GSDMD: variants seen among roughly 807,000 people sequenced by gnomAD.
The protein encoded by GSDMD is gasdermin-D.
A neutral mutation model predicts 46.7 loss-of-function variants in GSDMD; 46 were observed. The observed-to-expected ratio is 0.99, with a 90% confidence interval of 0.78 to 1.26. The LOEUF (loss-of-function observed/expected upper bound fraction) is 1.26. Among genes scored for constraint, GSDMD ranks in the 50% most tolerant of loss-of-function variants. The pLI is 0.00. For missense variants in GSDMD, 649 were observed against 638.8 expected (o/e 1.02, Z -0.17); for synonymous variants, 307 against 283.1 (o/e 1.08, Z -0.85).
In GSDMD at chr8:143,562,666, G is replaced by A. The variant is rs1823495126; in HGVS notation, c.1217G>A (p.Gly406Asp). Residue 406 changes from glycine (G) to aspartate (D), a missense_variant, in exon 11 of 11, where the codon GGC (glycine) becomes GAC (aspartate). Transcript: ENST00000262580. ...ACTCCTGCCCTGTCTTGGCAGGTGG[G>A]CAGCCTCTTGGAGCAGAGTGCCCCG... ...QTLLGPLELV[G>D]SLLEQSAPWQ... 4 of 1,606,164 alleles carry A rather than the reference G, an allele frequency of 2.5e-6. No individual in the cohort carries two copies. Among genetic ancestry groups the A allele is most frequent in the Non-Finnish European group, 3.4e-6 (4 of 1,177,614 alleles).
At chr8:143,557,579 T>C (rs753369253), upstream of GSDMD, among the ~76,000 whole-genome samples, 3 of 151,660 alleles carry the variant, frequency 2.0e-5, no homozygotes, top group African/African-American at 7.3e-5. Context: ...TGGGTGGAGC[T>C]AGGAGTGGAA....
At position 143,560,769 on chromosome 8, in the gene GSDMD, C is replaced by A; in HGVS notation, c.577C>A (p.Gln193Lys). Reference sequence around the variant, plus strand: ...TTCCCTGCCCGGAGCCACGTGCTTGCAGGTGTGTAGCCAGCCCCGGGCCAC... The same window carrying A: ...TTCCCTGCCCGGAGCCACGTGCTTGAAGGTGTGTAGCCAGCCCCGGGCCAC... ...RFSLPGATCL[Q>K]GEGQGHLSQK... The change falls in exon 4 of 11, where the codon CAG (glutamine) becomes AAG (lysine). Residue 193 changes from glutamine to lysine, a missense_variant and splice_region_variant. Physicochemically the swap from Gln to Lys is moderately conservative, Grantham distance 53. Transcript: ENST00000262580. 6.5e-7 allele frequency: 1 copy of A among 1,541,762 alleles called. No individual in the cohort carries two copies.
Position 143,560,569 on chromosome 8 carries a change from C to T in GSDMD, c.411-34C>T, listed in dbSNP as rs557841507. 33 of 1,537,818 alleles carry T rather than the reference C, an allele frequency of 2.1e-5. 2 individuals carry two copies. Among genetic ancestry groups the T allele is most frequent in the African/African-American group, 1.5e-4 (11 of 73,100 alleles). ...GGAGGGAAGACGCCTTCAGGGGCTG[C>T]GGCCCAGCGAGCTTTGCTGCTCCTC... On this transcript the variant is annotated intron_variant, in intron 3 of 10. Transcript: ENST00000262580.
upstream of GSDMD, chr8:143,557,933 C>T (rs188686889): frequency 1.6e-5 from 7 of 446,702 alleles, no homozygotes; most frequent in East Asian, 1.4e-4. Flanking sequence ...CTCACTCTGT[C>T]GCCCAGGCTG....
At position 143,559,523 on chromosome 8, in the gene GSDMD, A is replaced by T. The variant is rs1823397808; in HGVS notation, c.188A>T (p.Asp63Val). ...RYKCVNLSIKDILEPDAAEPD... is the reference protein window; with the variant it reads ...RYKCVNLSIKVILEPDAAEPD... Reference sequence around the variant, plus strand: ...AAGTGTGTCAACCTGTCTATCAAGGACATCCTGGAGCCGGATGCCGCGGAA... The same window carrying T: ...AAGTGTGTCAACCTGTCTATCAAGGTCATCCTGGAGCCGGATGCCGCGGAA... The change falls in exon 2 of 11, where the codon GAC (aspartate) becomes GTC (valine). Residue 63 changes from aspartate to valine, a missense_variant. Physicochemically the swap from Asp to Val is radical, Grantham distance 152. Transcript: ENST00000262580. 3 of 1,612,820 alleles carry T rather than the reference A, an allele frequency of 1.9e-6. No individual in the cohort carries two copies. Among genetic ancestry groups the T allele is most frequent in the Non-Finnish European group, 2.5e-6 (3 of 1,179,944 alleles).
chr8:143,561,070 C>T lies in GSDMD; in HGVS notation c.648C>T (p.Phe216=), dbSNP rs1364038244. ...VTIPSGSTLA[F]RVAQLVIDSD... ...TCCCCTCAGGCAGCACCCTCGCATT[C>T]CGGGTGGCCCAGCTGGTTATTGACT... Residue 216 remains phenylalanine, a synonymous_variant, in exon 5 of 11, where the codon TTC becomes TTT. Transcript: ENST00000262580. 3.1e-6 allele frequency: 5 copies of T among 1,613,122 alleles called. No homozygotes were observed. The highest frequency in any genetic ancestry group is 1.1e-5 in the South Asian group (1 of 91,088).
chr8:143,558,989 G>GGGGA, intron 1 of GSDMD: 4 of 533,658 alleles, frequency 7.5e-6, no homozygotes, highest in Non-Finnish European at 7.0e-6. Context: ...GTGGGTCCCT[G>GGGGA]CACCACGCTC....
rs1442153035 is a variant in GSDMD at position 143,559,783 on chromosome 8, A to G, written c.224A>G (p.Gln75Arg). The change falls in exon 3 of 11, where the codon CAG (glutamine) becomes CGG (arginine). Residue 75 changes from glutamine to arginine, a missense_variant. By Grantham distance (43) the Gln-to-Arg change is conservative. Coordinates refer to ENST00000262580, the MANE Select transcript of GSDMD (RefSeq NM_024736.7). Reference protein sequence around the residue: ...LEPDAAEPDVQRGRSFHFYDA... With the variant: ...LEPDAAEPDVRRGRSFHFYDA... ...AGGTCTGGCCTTGCTTTAGACGTGC[A>G]GCGTGGCAGGAGCTTCCACTTCTAC... is the stretch of plus-strand genomic sequence containing the variant. The G allele has an allele frequency of 1.3e-6, 2 of 1,596,532 alleles. No homozygotes were observed. Among genetic ancestry groups the G allele is most frequent in the Admixed American group, 3.4e-5 (2 of 58,994 alleles).
upstream of GSDMD, chr8:143,557,917 C>T (rs781735634): frequency 1.1e-5 from 5 of 446,220 alleles, no homozygotes; most frequent in South Asian, 3.2e-5. Context: ...GTTTTTGAGA[C>T]GGAGTCTCAC....
chr8:143,555,236 G>A (rs1823279583), upstream of GSDMD: 1 of 152,328 alleles, frequency 6.6e-6, no homozygotes, highest in South Asian at 2.1e-4. Flanking sequence ...GTGAGTGTGA[G>A]AGCCTTCAGG....
At chr8:143,555,443 C>T (rs552179850), upstream of GSDMD, among the ~76,000 whole-genome samples, 2 of 152,216 alleles carry the variant, frequency 1.3e-5, no homozygotes, top group South Asian at 4.1e-4. Context: ...AGCAAATGAG[C>T]CTGCATCCTC....
chr8:143,559,563 T>A lies in GSDMD; in HGVS notation c.217+11T>A, dbSNP rs771591321. On this transcript the variant is annotated intron_variant, in intron 2 of 10. Transcript: ENST00000262580. ...ATGCCGCGGAACCAGGTGCCTGATG[T>A]GGTGCTGAGGCAGAGCCCCAGGGAG... 3.7e-6 allele frequency: 6 copies of A among 1,609,830 alleles called. No homozygotes were observed. In the South Asian group the frequency reaches 6.6e-5, roughly 18 times the overall value.
chr8:143,557,242 T>A (rs1299253482), upstream of GSDMD, among the ~76,000 whole-genome samples: 2 of 152,280 alleles, frequency 1.3e-5, no homozygotes, highest in East Asian at 3.8e-4. Context: ...CTGGCCATGT[T>A]TAGTCTATGC....
At chr8:143,560,314 A>AGGACC (rs1823421111) in intron 3 of GSDMD, 3 of 689,298 alleles carry the variant, frequency 4.4e-6, no homozygotes, top group Non-Finnish European at 8.0e-6. Context: ...CTGGATCCTA[A>AGGACC]GGACCGGACT....
chr8:143,561,508 A>C, intron 6 of GSDMD, 85 bp downstream of exon 6: 4 of 1,381,254 alleles, frequency 2.9e-6, no homozygotes, highest in South Asian at 2.5e-5. Flanking sequence ...TCATGTTCTC[A>C]GGGCACAGGG....
upstream of GSDMD, chr8:143,557,858 T>C (rs1270918944): frequency 2.7e-6 from 1 of 372,648 alleles, no homozygotes; most frequent in Non-Finnish European, 5.2e-6. Context: ...CTTTGGAAGA[T>C]CTGCCCAGAC....
chr8:143,557,404 A>G (rs78916178), upstream of GSDMD, among the ~76,000 whole-genome samples: 10,328 of 95,662 alleles, frequency 0.11, 817 homozygotes, highest in Middle Eastern at 0.17. Flanking sequence ...CTGTGACGAC[A>G]GCTGCTGCCG....
chr8:143,554,178 G>A (rs536587401), upstream of GSDMD, among the ~76,000 whole-genome samples: 6 of 151,384 alleles, frequency 4.0e-5, no homozygotes, highest in Non-Finnish European at 7.4e-5. Context: ...GACAGCCACG[G>A]GCGTGGCACC....
At position 143,560,997 on chromosome 8, in the gene GSDMD, C is replaced by A. The variant is rs909986186; in HGVS notation, c.580-5C>A. On this transcript the variant is annotated splice_polypyrimidine_tract_variant and splice_region_variant and intron_variant, in intron 4 of 10. Coordinates refer to ENST00000262580, the MANE Select transcript of GSDMD (RefSeq NM_024736.7). ...CCCAGCCCCGAGCCCATCTCCATGC[C>A]TCAGGGTGAGGGCCAGGGCCATCTG... 35 of 1,612,074 alleles carry A rather than the reference C, an allele frequency of 2.2e-5. No individual in the cohort carries two copies. Among genetic ancestry groups the A allele is most frequent in the Non-Finnish European group, 3.0e-5 (35 of 1,179,516 alleles).
Sources: allele counts gnomAD v4.1 joint callset (sites outside exome capture counted in the v4.1 genomes callset), GRCh38; gene constraint gnomAD v4.1.1; transcripts MANE v1.5; gene names NCBI Gene and HGNC (gene_info 2026-07-23, HGNC 2026-07-21).